SPATA7: variants seen among roughly 807,000 people sequenced by gnomAD.
The protein encoded by SPATA7 is spermatogenesis-associated protein 7.
In SPATA7, 43 loss-of-function variants were observed where a neutral mutation model predicts 51.8. The observed-to-expected ratio is 0.83, with a 90% CI of 0.65 to 1.07. The LOEUF (loss-of-function observed/expected upper bound fraction) is 1.07. SPATA7 is among the 50% of genes least tolerant of loss of function. SPATA7 has a pLI of 0.00. For missense variants in SPATA7, 683 were observed against 701.3 expected (o/e 0.97, Z 0.30); for synonymous variants, 230 against 252.8 (o/e 0.91, Z 0.86).
rs374743640 is a variant in SPATA7 at position 88,438,089 on chromosome 14, T to C, written c.1467T>C (p.Thr489=). ...KDENEIFPSP[T]EFFMPIYKSK... ...AGAACGAGATATTCCCTTCACCAAC[T>C]GAATTTTTCATGCCTATTTATAAAT... Residue 489 remains threonine (T), a synonymous_variant, in exon 12 of 12, where the codon ACT becomes ACC. Transcript: ENST00000393545. The C allele has an allele frequency of 2.5e-6, 4 of 1,614,000 alleles. No individual in the cohort carries two copies. The African/African-American group carries it at 4.0e-5, about 16-fold the overall frequency.
At chr14:88,447,160 G>T (rs1182754787) in intron 3 of SPATA7, among the ~76,000 whole-genome samples, 66 of 149,340 alleles carry the variant, frequency 4.4e-4, no homozygotes, top group Non-Finnish European at 8.9e-4. Context: ...TTATGAATCT[G>T]GGTGCTCCTG....
intron 3 of SPATA7, among the ~76,000 whole-genome samples, chr14:88,394,722 A>G (rs2075835880): frequency 6.6e-6 from 1 of 152,198 alleles, no homozygotes; most frequent in Admixed American, 6.5e-5. Flanking sequence ...TTAATTTTAT[A>G]AGAAACTACA....
intron 4 of SPATA7, chr14:88,410,805 G>A (rs7142986): frequency 0.055 from 8,654 of 157,596 alleles, 287 homozygotes; most frequent in African/African-American, 0.091. Flanking sequence ...TATGCCAGCC[G>A]GAGCTCTCCT....
downstream of SPATA7, among the ~76,000 whole-genome samples, chr14:88,441,955 A>G (rs1224730195): frequency 2.0e-5 from 3 of 152,168 alleles, no homozygotes; most frequent in Non-Finnish European, 2.9e-5. Flanking sequence ...GTTATATTCT[A>G]GAATTTTTAT....
intron 4 of SPATA7, among the ~76,000 whole-genome samples, chr14:88,468,459 C>T (rs968696130): frequency 3.9e-5 from 6 of 152,126 alleles, no homozygotes; most frequent in Non-Finnish European, 7.4e-5. Flanking sequence ...ATAGAATGTC[C>T]ATGCAGACTA....
chr14:88,385,973 C>G, intron 1 of SPATA7, 136 bp downstream of exon 1: 1 of 1,526,700 alleles, frequency 6.6e-7, no homozygotes, highest in Non-Finnish European at 8.8e-7. Flanking sequence ...GCCAGTGTTG[C>G]CTGGAGCTGC....
intron 4 of SPATA7, among the ~76,000 whole-genome samples, chr14:88,402,433 CAA>C (rs55637670): frequency 0.035 from 5,357 of 151,826 alleles, 310 homozygotes; most frequent in African/African-American, 0.12. Flanking sequence ...ATGGAACTGG[CAA>C]AAAAAAACAC....
At chr14:88,411,385 G>A (rs971530298) in intron 4 of SPATA7, among the ~76,000 whole-genome samples, 1 of 152,138 alleles carries the variant, frequency 6.6e-6, no homozygotes, top group African/African-American at 2.4e-5. Context: ...GAATGGTTCT[G>A]CCTCACTGGC....
intron 5 of SPATA7, among the ~76,000 whole-genome samples, chr14:88,421,918 A>G (rs2076655557): frequency 6.6e-6 from 1 of 151,488 alleles, no homozygotes; most frequent in Admixed American, 6.6e-5. Context: ...ACTGCACTCC[A>G]GCCTGGGCGA....
intron 4 of SPATA7, among the ~76,000 whole-genome samples, chr14:88,415,770 C>T (rs1484808587): frequency 6.6e-6 from 1 of 152,110 alleles, no homozygotes; most frequent in Non-Finnish European, 1.5e-5. Flanking sequence ...CTTCCTTGAG[C>T]ATTTCCTATA....
At chr14:88,398,848 C>T (rs375307315) in intron 4 of SPATA7, among the ~76,000 whole-genome samples, 6 of 151,550 alleles carry the variant, frequency 4.0e-5, no homozygotes, top group Admixed American at 6.6e-5. Flanking sequence ...GTCAGGAGAT[C>T]GAGACTATCC....
chr14:88,412,782 C>G (rs573010263), intron 4 of SPATA7, among the ~76,000 whole-genome samples: 2 of 152,198 alleles, frequency 1.3e-5, no homozygotes, highest in African/African-American at 4.8e-5. Flanking sequence ...GTTTCTTTTG[C>G]ATTGCACAAG....
rs201038372 is a variant in SPATA7, at chr14:88,438,222, C to A, written c.1600C>A (p.Arg534=). 6.2e-7 allele frequency: 1 copy of A among 1,613,848 alleles called. No homozygotes were observed. Among genetic ancestry groups the A allele is most frequent in the African/African-American group, 1.3e-5 (1 of 74,902 alleles). Residue 534 remains arginine, a synonymous_variant, in exon 12 of 12, where the codon CGG becomes AGG. Transcript: ENST00000393545. ...HPSISDSLTD[R]ETSVNVIEGD... is the part of the protein sequence containing the mutation. The stretch of plus-strand genomic sequence containing the variant: ...AAGTATTTCAGACAGTTTAACAGAT[C>A]GGGAAACTTCTGTGAATGTCATTGA...
chr14:88,386,046 C>T (rs2075565509), intron 1 of SPATA7: 1 of 1,437,016 alleles, frequency 7.0e-7, no homozygotes, highest in African/African-American at 1.4e-5. Flanking sequence ...GCTTCTTTGC[C>T]CTGAATTTGT....
chr14:88,422,558 CT>C (rs1203501449), intron 5 of SPATA7, among the ~76,000 whole-genome samples: 5 of 147,652 alleles, frequency 3.4e-5, no homozygotes, highest in African/African-American at 1.2e-4. Context: ...TTTAATATAT[CT>C]TTTTAATGTA....
chr14:88,428,279 G>A (rs1027044712), intron 7 of SPATA7: 2 of 152,008 alleles, frequency 1.3e-5, no homozygotes, highest in Admixed American at 6.6e-5. Context: ...TGGAGTTTCA[G>A]TCTTGCACTT....
chr14:88,459,564 T>C (rs1461963116), downstream of SPATA7, among the ~76,000 whole-genome samples: 1 of 152,196 alleles, frequency 6.6e-6, no homozygotes, highest in Non-Finnish European at 1.5e-5. Context: ...TTCCATTTGC[T>C]TGGTAGATCT....
chr14:88,443,267 T>G (rs1202357929), downstream of SPATA7, among the ~76,000 whole-genome samples: 2 of 152,206 alleles, frequency 1.3e-5, no homozygotes, highest in Non-Finnish European at 2.9e-5. Flanking sequence ...ATTTTTAAAT[T>G]ACCATTTCAA....
intron 4 of SPATA7, among the ~76,000 whole-genome samples, chr14:88,397,272 C>T (rs1185717199): frequency 6.6e-6 from 1 of 152,172 alleles, no homozygotes; most frequent in Admixed American, 6.5e-5. Flanking sequence ...CATGTCCTCC[C>T]CAACACTTGC....
Sources: allele counts gnomAD v4.1 joint callset (sites outside exome capture counted in the v4.1 genomes callset), GRCh38; gene constraint gnomAD v4.1.1; transcripts MANE v1.5; gene names NCBI Gene and HGNC (gene_info 2026-07-23, HGNC 2026-07-21).